The following JAKMIP1 variants were observed in gnomAD, a reference collection of about 807,000 sequenced individuals.
JAKMIP1 encodes the protein janus kinase and microtubule interacting protein 1, also known as janus kinase and microtubule-interacting protein 1.
A neutral mutation model predicts 113.0 loss-of-function variants in JAKMIP1; 33 were observed. The ratio of observed to expected loss-of-function variants is 0.29; its 90% CI spans 0.22 to 0.39. The LOEUF (loss-of-function observed/expected upper bound fraction) is 0.39, where lower values mean the gene tolerates loss of function less well. Among genes scored for constraint, JAKMIP1 ranks in the 10% least tolerant of loss-of-function variants. The pLI, the probability that JAKMIP1 is intolerant of heterozygous loss-of-function variation, is 1.00. For synonymous variants in JAKMIP1, 480 were observed against 459.9 expected (o/e 1.04, Z -0.56); for missense variants, 813 against 1,080.5 (o/e 0.75, Z 3.47).
Position 6,181,723 on chromosome 4 carries a change from T to G in JAKMIP1, c.-148+18530A>C, listed in dbSNP as rs970509439. ...AAGCTCCATTCATTCATTCATTCAT[T>G]CAACAGCATCCTAGTGCCTGTTCCA... is the stretch of plus-strand genomic sequence containing the variant. On this transcript the variant is annotated intron_variant, in intron 1 of 20. Transcript: ENST00000409021. The surrounding 1 kb of genome is among the most constrained non-coding windows in gnomAD (Gnocchi z 5.4). 1.1e-4 allele frequency among the ~76,000 whole-genome samples: 16 copies of G among 152,182 alleles called. No homozygotes were observed. Among genetic ancestry groups the G allele is most frequent in the African/African-American group, 3.9e-4 (16 of 41,444 alleles).
chr4:6,033,431 A>G (rs2108746238), intron 19 of JAKMIP1, among the ~76,000 whole-genome samples: 1 of 152,374 alleles, frequency 6.6e-6, no homozygotes, highest in Admixed American at 6.5e-5. Flanking sequence ...GAGAGAAGAC[A>G]TGATAATGAT....
intron 11 of JAKMIP1, among the ~76,000 whole-genome samples, chr4:6,057,599 G>A (rs1716660728): frequency 6.6e-6 from 1 of 152,232 alleles, no homozygotes; most frequent in East Asian, 1.9e-4. Context: ...CAGGCTGCGA[G>A]CACCTGTGAG....
At chr4:6,047,316 T>C (rs182240005) in intron 16 of JAKMIP1, among the ~76,000 whole-genome samples, 8 of 152,364 alleles carry the variant, frequency 5.3e-5, no homozygotes, top group African/African-American at 1.2e-4. Context: ...CCAGTAGATG[T>C]TGAATAAGCT....
Position 6,061,688 on chromosome 4 carries a change from G to C in JAKMIP1, c.1560+624C>G, listed in dbSNP as rs1031551942. Among the ~76,000 whole-genome samples, 3 of 145,474 alleles carry C rather than the reference G, an allele frequency of 2.1e-5. No homozygotes were observed. The highest frequency in any genetic ancestry group is 7.5e-5 in the African/African-American group (3 of 40,228). On this transcript the variant is annotated intron_variant, in intron 10 of 20. Coordinates refer to ENST00000409021, the MANE Select transcript of JAKMIP1 (RefSeq NM_001099433.2). The surrounding 1 kb of genome is among the most constrained non-coding windows in gnomAD (Gnocchi z 5.3). The stretch of plus-strand genomic sequence containing the variant: ...TGCTTCAGGGGGCCAGTGTGGGGGT[G>C]AGATGGGGGAGGGGATGCAGGGAAG...
Position 6,085,635 on chromosome 4 carries a change from A to G in JAKMIP1, c.625-6T>C, listed in dbSNP as rs1200577921. 6.2e-7 allele frequency: 1 copy of G among 1,613,536 alleles called. No homozygotes were observed. Among genetic ancestry groups the G allele is most frequent in the South Asian group, 1.1e-5 (1 of 91,076 alleles). On this transcript the variant is annotated splice_polypyrimidine_tract_variant and splice_region_variant and intron_variant, in intron 3 of 20. Coordinates refer to ENST00000409021, the MANE Select transcript of JAKMIP1 (RefSeq NM_001099433.2). Reference sequence around the variant, plus strand: ...TTCCCTTTGATCTCATCCATCTGAAAAGGAGAAAGAATAAGCAGTCAGCCC... The same window carrying G: ...TTCCCTTTGATCTCATCCATCTGAAGAGGAGAAAGAATAAGCAGTCAGCCC...
intron 1 of JAKMIP1, among the ~76,000 whole-genome samples, chr4:6,173,746 T>C (rs139847519): frequency 1.3e-5 from 2 of 152,208 alleles, no homozygotes; most frequent in African/African-American, 2.4e-5. Context: ...CCCTAAATGT[T>C]GTGACTTTTA....
intron 18 of JAKMIP1, 98 bp from the exon 19 acceptor site, chr4:6,036,205 G>A: frequency 9.9e-7 from 1 of 1,008,910 alleles, no homozygotes; most frequent in East Asian, 2.7e-5. Context: ...CAGGGAGGGG[G>A]GTTTCGGGCA....
rs116167889 is a variant in JAKMIP1 at position 6,181,757 on chromosome 4, C to G, written c.-148+18496G>C. ...TCCTAGTGCCTGTTCCATGCCAGAC[C>G]CTGTGCTGAGCCTCAAACATGAATC... On this transcript the variant is annotated intron_variant, in intron 1 of 20. Coordinates refer to ENST00000409021, the MANE Select transcript of JAKMIP1 (RefSeq NM_001099433.2). The surrounding 1 kb of genome is among the most constrained non-coding windows in gnomAD (Gnocchi z 5.4). Among the ~76,000 whole-genome samples, 2 of 152,132 alleles carry G rather than the reference C, an allele frequency of 1.3e-5. No individual in the cohort carries two copies. Among genetic ancestry groups the G allele is most frequent in the African/African-American group, 2.4e-5 (1 of 41,416 alleles).
intron 3 of JAKMIP1, among the ~76,000 whole-genome samples, chr4:6,098,892 C>T (rs1015893456): frequency 9.2e-5 from 14 of 152,226 alleles, no homozygotes; most frequent in Non-Finnish European, 1.5e-4. Context: ...TTAGTTTTTA[C>T]GCTTCTTAAA....
At chr4:6,036,172 G>C (rs1713407183) in intron 18 of JAKMIP1, 65 bp from the exon 19 acceptor site, 1 of 1,292,542 alleles carries the variant, frequency 7.7e-7, no homozygotes, top group Non-Finnish European at 1.1e-6. Context: ...CCACCAGAAG[G>C]CTGCTGCCAG....
At chr4:6,146,673 A>AAAGTGGT (rs1216500200) in intron 1 of JAKMIP1, among the ~76,000 whole-genome samples, 2 of 152,196 alleles carry the variant, frequency 1.3e-5, no homozygotes, top group Non-Finnish European at 2.9e-5. Context: ...TGTACACTGA[A>AAAGTGGT]AAGTGGTTAA....
At chr4:6,085,283 ACAT>A (rs1478046008) in intron 4 of JAKMIP1, 134 bp downstream of exon 4, 2 of 818,424 alleles carry the variant, frequency 2.4e-6, no homozygotes, top group Non-Finnish European at 3.8e-6. Context: ...AGAACTTATA[ACAT>A]CCCCTCCAAT....
intron 19 of JAKMIP1, among the ~76,000 whole-genome samples, chr4:6,033,536 G>A (rs6826769): frequency 0.26 from 40,230 of 152,122 alleles, 8,908 homozygotes; most frequent in African/African-American, 0.61. Context: ...TCCATTGACC[G>A]CAACACTTCA....
At chr4:6,032,466 C>G (rs998817649) in intron 19 of JAKMIP1, among the ~76,000 whole-genome samples, 9 of 152,258 alleles carry the variant, frequency 5.9e-5, no homozygotes, top group African/African-American at 1.9e-4. Flanking sequence ...AGTTGCTTAC[C>G]TTCTCTGAGC....
chr4:6,190,399 C>T (rs1727123239), intron 1 of JAKMIP1, among the ~76,000 whole-genome samples: 1 of 152,116 alleles, frequency 6.6e-6, no homozygotes, highest in Admixed American at 6.5e-5. Context: ...ACAAAGTCCC[C>T]ATATTGCACT....
intron 8 of JAKMIP1, among the ~76,000 whole-genome samples, chr4:6,073,878 T>C (rs1719316776): frequency 6.6e-6 from 1 of 152,264 alleles, no homozygotes; most frequent in Non-Finnish European, 1.5e-5. Context: ...TTAGCCATTA[T>C]GCATATGCTT....
rs1003674320 is a variant in JAKMIP1, at chr4:6,150,578, C to G, written c.-147-37581G>C. The G allele has an allele frequency of 6.6e-6, 1 of 152,244 alleles. No individual in the cohort carries two copies. Among genetic ancestry groups the G allele is most frequent in the African/African-American group, 2.4e-5 (1 of 41,432 alleles). 9.4% of individuals were successfully genotyped at this position (152,244 alleles called of 1,614,324 possible). On this transcript the variant is annotated intron_variant, in intron 1 of 20. Transcript: ENST00000409021. The surrounding 1 kb of genome is among the most constrained non-coding windows in gnomAD (Gnocchi z 4.8). ...CCTGCCTCGGAGGCAGCTCCCACGG[C>G]GCTCAACGGACTCCTGACCTTCATG...
At chr4:6,060,363 G>T (rs1019960165) in intron 11 of JAKMIP1, 61 bp downstream of exon 11, 1 of 1,299,250 alleles carries the variant, frequency 7.7e-7, no homozygotes, top group South Asian at 1.2e-5. Flanking sequence ...GCGAGCCCCA[G>T]GGATACCACC....
rs376289667 is a variant in JAKMIP1 at position 6,141,913 on chromosome 4, A to G, written c.-147-28916T>C. ...TAAGGGCGTTAACCGTCTCTCTCTCATTTTAAAAATCAAGTTTACTCCAAT... is the reference window on the plus strand; with the variant it reads ...TAAGGGCGTTAACCGTCTCTCTCTCGTTTTAAAAATCAAGTTTACTCCAAT... On this transcript the variant is annotated intron_variant, in intron 1 of 20. Transcript: ENST00000409021. This position sits in a 1 kb window ranked among gnomAD's most constrained non-coding sequence, Gnocchi z 9.4. Among the ~76,000 whole-genome samples the G allele has an allele frequency of 2.6e-5, 4 of 152,120 alleles. No individual in the cohort carries two copies. The highest frequency in any genetic ancestry group is 7.2e-5 in the African/African-American group (3 of 41,410).
Sources: gnomAD v4.1 joint callset for allele counts (sites outside exome capture counted in the v4.1 genomes callset) on GRCh38, gnomAD v4.1.1 for gene constraint, Gnocchi (gnomAD v3.1) non-coding constraint, MANE v1.5 for transcripts, NCBI Gene and HGNC (gene_info 2026-07-23, HGNC 2026-07-21) for gene names.